The following INO80 variants were observed in gnomAD, a reference collection of about 807,000 sequenced individuals.
The protein encoded by INO80 is INO80 complex ATPase subunit.
In INO80, 20 loss-of-function variants were observed where a neutral mutation model predicts 203.4. The observed-to-expected ratio is 0.10, with a 90% CI of 0.07 to 0.14. The LOEUF is 0.14. INO80 is among the 10% of genes least tolerant of loss of function. INO80 has a pLI of 1.00. For synonymous variants in INO80, 726 were observed against 685.2 expected, an observed-to-expected ratio of 1.06 and a Z score of -0.93; for missense variants, 1,419 against 1,914.4, an observed-to-expected ratio of 0.74 and a Z score of 4.83.
chr15:40,982,275 T>C (rs754056196), intron 35 of INO80, among the ~76,000 whole-genome samples: 8 of 152,200 alleles, frequency 5.3e-5, no homozygotes, highest in Non-Finnish European at 1.0e-4. Context: ...GCCTCCCAAG[T>C]AGCTGGGACT....
intron 24 of INO80, among the ~76,000 whole-genome samples, chr15:41,032,033 C>CACAGG (rs2044490988): frequency 1.1e-5 from 1 of 92,942 alleles, no homozygotes; most frequent in Non-Finnish European, 2.3e-5. Context: ...CACAGCACAG[C>CACAGG]ACAGCACAGC....
chr15:41,047,129 G>A (rs546508678), intron 23 of INO80, among the ~76,000 whole-genome samples: 14 of 151,352 alleles, frequency 9.2e-5, no homozygotes, highest in African/African-American at 2.9e-4. Context: ...CACCATGTCC[G>A]GCTACTTTTG....
At position 41,033,837 on chromosome 15, in the gene INO80, G is replaced by T. The variant is rs186744275; in HGVS notation, c.2908-6101C>A. Among the ~76,000 whole-genome samples the T allele has an allele frequency of 2.7e-3, 406 of 152,246 alleles. 3 individuals carry two copies. The highest frequency in any genetic ancestry group is 0.013 in the South Asian group (62 of 4,820). ...GAGGCCAAGGCGGGAGGATCACGAG[G>T]TCAGGAGATCAAGACCATCCTGGCT... On this transcript the variant is annotated intron_variant, in intron 24 of 35. Transcript: ENST00000648947.
chr15:41,088,774 C>CTATG (rs1156724478), intron 5 of INO80, among the ~76,000 whole-genome samples: 1 of 152,158 alleles, frequency 6.6e-6, no homozygotes, highest in East Asian at 1.9e-4. Flanking sequence ...ACATGGGGAA[C>CTATG]TATTACAATG....
chr15:40,987,760 T>C, intron 30 of INO80, 56 bp downstream of exon 30: 5 of 1,506,450 alleles, frequency 3.3e-6, no homozygotes, highest in East Asian at 2.3e-5. Flanking sequence ...GCAGTCAATG[T>C]GGTTGGACTT....
chr15:41,100,203 T>G (rs532038811), intron 1 of INO80, among the ~76,000 whole-genome samples: 1 of 151,994 alleles, frequency 6.6e-6, no homozygotes, highest in South Asian at 2.1e-4. Flanking sequence ...GCCTCCCGAG[T>G]AGCTGGGACT....
chr15:41,102,377 G>T (rs2140685448), intron 1 of INO80, among the ~76,000 whole-genome samples: 1 of 151,620 alleles, frequency 6.6e-6, no homozygotes, highest in Non-Finnish European at 1.5e-5. Context: ...TTTTAAAAAG[G>T]GCATATTAGG....
chr15:41,087,545 C>T lies in INO80; in HGVS notation c.658+17G>A, dbSNP rs375964841. 10 of 1,612,630 alleles carry T rather than the reference C, an allele frequency of 6.2e-6. No homozygotes were observed. In the Admixed American group the frequency reaches 1.2e-4, roughly 19 times the overall value. Reference sequence around the variant, plus strand: ...ACTAAGAATGAATATACGTGGAAGGCAGTTCAACATGCTCACCTTTAAGTT... The same window carrying T: ...ACTAAGAATGAATATACGTGGAAGGTAGTTCAACATGCTCACCTTTAAGTT... On this transcript the variant is annotated intron_variant, in intron 6 of 35. Transcript: ENST00000648947.
At chr15:41,086,050 T>G (rs1194628401) in intron 6 of INO80, among the ~76,000 whole-genome samples, 2 of 152,136 alleles carry the variant, frequency 1.3e-5, no homozygotes, top group African/African-American at 4.8e-5. Context: ...GGTAAGGATG[T>G]GTCTGAGGTA....
At chr15:41,079,582 A>C (rs2045454614) in intron 9 of INO80, 119 bp downstream of exon 9, 4 of 974,408 alleles carry the variant, frequency 4.1e-6, no homozygotes, top group African/African-American at 1.6e-5. Context: ...ACCAAAAAAA[A>C]AAAAAAAACA....
At chr15:40,989,628 C>G (rs985312688) in intron 29 of INO80, among the ~76,000 whole-genome samples, 1 of 152,174 alleles carries the variant, frequency 6.6e-6, no homozygotes, top group African/African-American at 2.4e-5. Flanking sequence ...CGGTCTCTTT[C>G]CTCTTCAGTC....
intron 5 of INO80, among the ~76,000 whole-genome samples, chr15:41,090,167 GC>G (rs1395061674): frequency 1.3e-5 from 2 of 152,192 alleles, no homozygotes; most frequent in African/African-American, 4.8e-5. Flanking sequence ...GCTGATACAT[GC>G]TACAACATTA....
chr15:41,072,850 G>T (rs1387147156), intron 11 of INO80, among the ~76,000 whole-genome samples: 2 of 150,412 alleles, frequency 1.3e-5, no homozygotes, highest in African/African-American at 2.4e-5. Context: ...GCACAATCTC[G>T]GCTCACAGCA....
intron 9 of INO80, among the ~76,000 whole-genome samples, chr15:41,075,986 A>G (rs2045396466): frequency 6.6e-6 from 1 of 152,256 alleles, no homozygotes; most frequent in Admixed American, 6.5e-5. Flanking sequence ...CAATAGGTAT[A>G]TGAAATTAAC....
In INO80 at chr15:40,988,071, G is replaced by A; in HGVS notation, c.3571-97C>T. 3.0e-6 allele frequency: 3 copies of A among 1,010,258 alleles called. No homozygotes were observed. In the South Asian group the frequency reaches 4.9e-5, roughly 16 times the overall value. 62.6% of individuals were successfully genotyped at this position (1,010,258 alleles called of 1,614,324 possible). A position where few individuals can be genotyped will look rare whatever the true frequency, so the allele number is the denominator to read the frequency against. On this transcript the variant is annotated intron_variant, in intron 29 of 35. Coordinates refer to ENST00000648947, the MANE Select transcript of INO80 (RefSeq NM_017553.3). ...TTGTCTGTTTGCGAGTTTGGCGTCA[G>A]TAGGGTCTGATTCGTTTCTATGATA...
At chr15:41,108,910 C>T (rs1049156554) in intron 1 of INO80, 2 of 153,976 alleles carry the variant, frequency 1.3e-5, no homozygotes, top group African/African-American at 4.8e-5. Context: ...AGAAGCACGC[C>T]CAGTGCCACA....
intron 27 of INO80, chr15:41,011,464 G>A (rs750257298): frequency 3.9e-5 from 6 of 152,086 alleles, no homozygotes; most frequent in Non-Finnish European, 8.8e-5. Flanking sequence ...AGGTAGCATG[G>A]AGGAAAAAAG....
chr15:41,110,902 T>C (rs537204666), intron 1 of INO80, among the ~76,000 whole-genome samples: 7 of 152,330 alleles, frequency 4.6e-5, no homozygotes, highest in Admixed American at 1.3e-4. Flanking sequence ...TAACTGGTTA[T>C]GTGAGCATAT....
Position 41,045,261 on chromosome 15 carries a change from A to G in INO80, c.2736-186T>C, listed in dbSNP as rs1262110330. Among the ~76,000 whole-genome samples the G allele has an allele frequency of 3.3e-5, 5 of 152,290 alleles. No homozygotes were observed. The South Asian group carries it at 6.2e-4, about 19-fold the overall frequency. ...TCGCATTACATGGTTTGCTACTATG[A>G]AAACTAAAATCCTCCGCAAAGCTCC... On this transcript the variant is annotated intron_variant, in intron 23 of 35. Coordinates refer to ENST00000648947, the MANE Select transcript of INO80 (RefSeq NM_017553.3).
Sources: gnomAD v4.1 joint callset for allele counts (sites outside exome capture counted in the v4.1 genomes callset) on GRCh38, gnomAD v4.1.1 for gene constraint, MANE v1.5 for transcripts, NCBI Gene and HGNC (gene_info 2026-07-23, HGNC 2026-07-21) for gene names.